Variants in COL4A3 observed in about 807,000 individuals in gnomAD.
The protein encoded by COL4A3 is collagen type IV alpha 3 chain, also known as collagen alpha-3(IV) chain.
Under a neutral mutation model 217.4 loss-of-function variants are expected in COL4A3, and 135 were observed. The observed-to-expected ratio is 0.62, with a 90% CI of 0.54 to 0.72. The LOEUF (loss-of-function observed/expected upper bound fraction) is 0.72, where lower values mean the gene tolerates loss of function less well. Ranked by LOEUF, COL4A3 falls within the 30% of genes least tolerant of loss-of-function variation. The pLI is 0.00. For synonymous variants in COL4A3, 690 were observed against 736.3 expected (o/e 0.94, Z 1.02); for missense variants, 1,868 against 2,119.9 (o/e 0.88, Z 2.33).
intron 1 of COL4A3, among the ~76,000 whole-genome samples, chr2:227,211,149 T>C (rs1198674781): frequency 7.7e-6 from 1 of 130,208 alleles, no homozygotes; most frequent in Non-Finnish European, 1.8e-5. Flanking sequence ...TACAGGCACA[T>C]GCCACCACAC....
Position 227,308,931 on chromosome 2 carries a change from A to G in COL4A3, c.4495A>G (p.Thr1499Ala), listed in dbSNP as rs2073627688. 1 of 1,614,168 alleles carries G rather than the reference A, an allele frequency of 6.2e-7. No homozygotes were observed. Residue 1499 changes from threonine (T) to alanine (A), a missense_variant, in exon 49 of 52, where the codon ACA becomes GCA. Physicochemically the swap from Thr to Ala is moderately conservative, Grantham distance 58. Transcript: ENST00000396578. ...TGGCAGCTGCCTGCAGCGATTTACC[A>G]CAATGCCATTCTTATTCTGCAATGT... Reference protein sequence around the residue: ...TLGSCLQRFTTMPFLFCNVND... With the variant: ...TLGSCLQRFTAMPFLFCNVND...
At chr2:227,214,831 TTC>T (rs2125800752) in intron 1 of COL4A3, among the ~76,000 whole-genome samples, 1 of 152,360 alleles carries the variant, frequency 6.6e-6, no homozygotes, top group Non-Finnish European at 1.5e-5. Flanking sequence ...TTGAAGAGCC[TTC>T]TCATAAACTC....
At chr2:227,291,562 CAAAAAAAAAAAAA>C (rs869289707) in intron 37 of COL4A3, among the ~76,000 whole-genome samples, 1 of 34,416 alleles carries the variant, frequency 2.9e-5, no homozygotes, top group African/African-American at 1.8e-4. Flanking sequence ...GACTCCGTCT[CAAAAAAAAAAAAA>C]AAAACAAAAA....
intron 1 of COL4A3, among the ~76,000 whole-genome samples, chr2:227,193,747 G>GGGAGGGAAGGAA (rs2066335782): frequency 3.0e-5 from 1 of 33,504 alleles, no homozygotes; most frequent in African/African-American, 9.9e-5. Context: ...GAGGGAGGGA[G>GGGAGGGAAGGAA]GGAAGGAAGG....
intron 1 of COL4A3, among the ~76,000 whole-genome samples, chr2:227,206,147 C>T (rs1385697200): frequency 6.6e-6 from 1 of 152,020 alleles, no homozygotes; most frequent in Non-Finnish European, 1.5e-5. Flanking sequence ...GATCTCAGCT[C>T]ACTGCAGCCT....
rs1178392573 is a variant in COL4A3 at position 227,313,520 on chromosome 2, T to C, written c.*1650T>C. On this transcript the variant is annotated 3_prime_UTR_variant, in exon 52 of 52. Transcript: ENST00000396578. ...AGAGACAAAGCTTTGAAGATGCTTT[T>C]TGATCTACCTAGGTGGAGTTGGTGG... The C allele has an allele frequency of 6.6e-6, 1 of 152,648 alleles. No homozygotes were observed. Among genetic ancestry groups the C allele is most frequent in the African/African-American group, 2.4e-5 (1 of 41,452 alleles). The allele number at this position is 152,648 out of a possible 1,614,324, so 9.5% of individuals were successfully genotyped here. A position where few individuals can be genotyped will look rare whatever the true frequency, so the allele number is the denominator to read the frequency against.
intron 37 of COL4A3, among the ~76,000 whole-genome samples, 178 bp from the exon 38 acceptor site, chr2:227,293,013 T>C (rs536528415): frequency 6.6e-6 from 1 of 152,340 alleles, no homozygotes; most frequent in Admixed American, 6.5e-5. Flanking sequence ...CATTTTGCAC[T>C]GGGCCCCATA....
chr2:227,244,445 T>C, intron 4 of COL4A3, 81 bp downstream of exon 4: 2 of 1,290,348 alleles, frequency 1.5e-6, no homozygotes, highest in East Asian at 4.6e-5. Flanking sequence ...CAGAAAGGAG[T>C]ACACTGTGTA....
chr2:227,258,205 C>T (rs1435333630), intron 18 of COL4A3, among the ~76,000 whole-genome samples: 2 of 152,188 alleles, frequency 1.3e-5, no homozygotes, highest in African/African-American at 2.4e-5. Flanking sequence ...CATTCATCTC[C>T]TACCTCAAAA....
intron 1 of COL4A3, among the ~76,000 whole-genome samples, chr2:227,225,844 T>C (rs949303880): frequency 6.6e-6 from 1 of 151,792 alleles, no homozygotes; most frequent in African/African-American, 2.4e-5. Context: ...CCCGAGTACC[T>C]GGGACTATAA....
chr2:227,290,304 C>A (rs1247211633), intron 36 of COL4A3, among the ~76,000 whole-genome samples: 1 of 152,106 alleles, frequency 6.6e-6, no homozygotes, highest in Non-Finnish European at 1.5e-5. Context: ...TTGAGAGCAG[C>A]CTGGCCAACA....
Position 227,307,889 on chromosome 2 carries a change from GGAAATCAAC to G in COL4A3, c.4435_4443del (p.Asn1479_Arg1481del). On this transcript the variant is annotated inframe_deletion, in exon 48 of 52. Transcript: ENST00000396578. The stretch of plus-strand genomic sequence containing the variant: ...TGGGTTTTCTTTTCTTTTTGTACAA[GGAAATCAAC>G]GAGCCCACGGACAAGACCTTGGTAA... The G allele has an allele frequency of 6.2e-7, 1 of 1,614,130 alleles. No individual in the cohort carries two copies. Among genetic ancestry groups the G allele is most frequent in the Non-Finnish European group, 8.5e-7 (1 of 1,180,010 alleles).
At chr2:227,290,184 A>T in intron 36 of COL4A3, 96 bp downstream of exon 36, 1 of 1,202,890 alleles carries the variant, frequency 8.3e-7, no homozygotes, top group South Asian at 1.2e-5. Context: ...TCCACTTGGT[A>T]GAAAGCTTAT....
intron 50 of COL4A3, among the ~76,000 whole-genome samples, chr2:227,309,912 T>TA (rs902517784): frequency 4.1e-4 from 62 of 152,054 alleles, no homozygotes; most frequent in Admixed American, 1.1e-3. Context: ...CAGGCATGAG[T>TA]CACTGCACCC....
At chr2:227,217,267 C>G (rs1383111653) in intron 1 of COL4A3, among the ~76,000 whole-genome samples, 1 of 152,216 alleles carries the variant, frequency 6.6e-6, no homozygotes, top group Non-Finnish European at 1.5e-5. Context: ...CTCCCACTGA[C>G]TCTCTCCCAC....
chr2:227,296,769 A>G (rs1295608768), intron 41 of COL4A3, among the ~76,000 whole-genome samples: 1 of 152,190 alleles, frequency 6.6e-6, no homozygotes, highest in Non-Finnish European at 1.5e-5. Context: ...ATAGGGCTAG[A>G]TCGTCAATAT....
intron 7 of COL4A3, 27 bp from the exon 8 acceptor site, chr2:227,247,531 G>A: frequency 6.2e-7 from 1 of 1,613,280 alleles, no homozygotes. Context: ...TATTCCTCTA[G>A]TTGTTCATAG....
At position 227,164,948 on chromosome 2, in the gene COL4A3, C is replaced by A. The variant is rs1222015812; in HGVS notation, c.87+135C>A. ...GCTAGTGGCGAGGCTGAGGGCTTCA[C>A]GCAGGTCCCGGGACAGGCAGCGAGC... On this transcript the variant is annotated intron_variant, in intron 1 of 51. Coordinates refer to ENST00000396578, the MANE Select transcript of COL4A3 (RefSeq NM_000091.5). This position sits in a 1 kb window ranked among gnomAD's most constrained non-coding sequence, Gnocchi z 4.8. The A allele has an allele frequency of 2.7e-6, 3 of 1,113,972 alleles. No homozygotes were observed. Among genetic ancestry groups the A allele is most frequent in the Non-Finnish European group, 3.6e-6 (3 of 829,122 alleles). 69.0% of individuals were successfully genotyped at this position (1,113,972 alleles called of 1,614,324 possible).
intron 26 of COL4A3, among the ~76,000 whole-genome samples, chr2:227,273,663 A>G (rs1197443970): frequency 5.3e-5 from 8 of 152,166 alleles, no homozygotes; most frequent in Non-Finnish European, 2.9e-5. Flanking sequence ...TCCTTGCTTC[A>G]GCCTCCCAAA....
Sources: gnomAD v4.1 joint callset for allele counts (sites outside exome capture counted in the v4.1 genomes callset) on GRCh38, gnomAD v4.1.1 for gene constraint, Gnocchi (gnomAD v3.1) non-coding constraint, MANE v1.5 for transcripts, NCBI Gene and HGNC (gene_info 2026-07-23, HGNC 2026-07-21) for gene names.